TALDO1: variants seen among roughly 807,000 people sequenced by gnomAD.
TALDO1 encodes transaldolase 1.
Under a neutral mutation model 38.1 loss-of-function variants are expected in TALDO1, and 29 were observed. The observed-to-expected ratio is 0.76, with a 90% CI of 0.57 to 1.04. TALDO1 has a LOEUF of 1.04. Ranked by LOEUF, TALDO1 falls within the 50% of genes least tolerant of loss-of-function variation. TALDO1 has a pLI of 0.00. For missense variants in TALDO1, 499 were observed against 438.1 expected (o/e 1.14, Z -1.24); for synonymous variants, 207 against 176.8 (o/e 1.17, Z -1.36).
At chr11:749,911 G>GATGCACAGAAGTT (rs1862722892) in intron 1 of TALDO1, among the ~76,000 whole-genome samples, 1 of 152,170 alleles carries the variant, frequency 6.6e-6, no homozygotes, top group South Asian at 2.1e-4. Flanking sequence ...AATGGGTATA[G>GATGCACAGAAGTT]ATGCACAGAA....
chr11:764,483 G>A (rs145850735), intron 7 of TALDO1, 50 bp downstream of exon 7: 57 of 1,601,090 alleles, frequency 3.6e-5, no homozygotes, highest in East Asian at 3.2e-4. Context: ...ATGAGAGCCC[G>A]GGCCTGGGCG....
chr11:764,400 C>A lies in TALDO1; in HGVS notation c.948C>A (p.Ala316=). The change falls in exon 7 of 8, where the codon GCC becomes GCA. Residue 316 remains alanine, a synonymous_variant. Transcript: ENST00000319006. ...EKLSDGIRKF[A]ADAVKLERML... Reference sequence around the variant, plus strand: ...TCTCTGACGGGATCCGCAAGTTTGCCGCTGATGCAGTGAAGCTGGAGCGGA... The same window carrying A: ...TCTCTGACGGGATCCGCAAGTTTGCAGCTGATGCAGTGAAGCTGGAGCGGA... 2 of 1,612,162 alleles carry A rather than the reference C, an allele frequency of 1.2e-6. No individual in the cohort carries two copies. Among genetic ancestry groups the A allele is most frequent in the Non-Finnish European group, 1.7e-6 (2 of 1,178,696 alleles).
chr11:749,921 A>G (rs928996038), intron 1 of TALDO1, among the ~76,000 whole-genome samples: 1 of 152,194 alleles, frequency 6.6e-6, no homozygotes, highest in Non-Finnish European at 1.5e-5. Flanking sequence ...GATGCACAGA[A>G]GTTGCAAAAT....
intron 4 of TALDO1, among the ~76,000 whole-genome samples, chr11:761,742 G>C (rs1316594532): frequency 6.6e-6 from 1 of 152,038 alleles, no homozygotes; most frequent in Non-Finnish European, 1.5e-5. Flanking sequence ...GCAGTGGCAC[G>C]AACTTGGCTC....
intron 4 of TALDO1, among the ~76,000 whole-genome samples, chr11:761,335 CAAAAAAA>C (rs71022968): frequency 2.4e-5 from 2 of 82,076 alleles, no homozygotes; most frequent in Admixed American, 1.5e-4. Context: ...GACTCCATCT[CAAAAAAA>C]AAAAAAAAAA....
intron 4 of TALDO1, 88 bp downstream of exon 4, chr11:760,341 C>T: frequency 6.3e-7 from 1 of 1,586,440 alleles, no homozygotes; most frequent in Non-Finnish European, 8.6e-7. Context: ...GTTTGACTCT[C>T]TCAGCCCTGG....
chr11:753,594 C>A (rs565278331), intron 1 of TALDO1, among the ~76,000 whole-genome samples: 1 of 151,130 alleles, frequency 6.6e-6, no homozygotes, highest in Admixed American at 6.6e-5. Context: ...CGTGGTGGCT[C>A]GTGCCTGTAA....
At chr11:762,991 C>G (rs1036338652) in intron 4 of TALDO1, among the ~76,000 whole-genome samples, 2 of 152,190 alleles carry the variant, frequency 1.3e-5, no homozygotes, top group African/African-American at 4.8e-5. Context: ...CAGAGGGCCT[C>G]CCTTGCCTTT....
At chr11:749,699 A>G (rs927196508) in intron 1 of TALDO1, among the ~76,000 whole-genome samples, 9 of 152,104 alleles carry the variant, frequency 5.9e-5, no homozygotes, top group South Asian at 2.1e-4. Context: ...TTTTGCCCCA[A>G]TGGGCCTTGG....
intron 1 of TALDO1, among the ~76,000 whole-genome samples, chr11:755,120 G>A (rs2133572657): frequency 6.9e-6 from 1 of 145,286 alleles, no homozygotes; most frequent in South Asian, 2.2e-4. Context: ...TGTCCTGAGT[G>A]CTTTTCCCCT....
chr11:754,769 G>T (rs904190128), intron 1 of TALDO1, among the ~76,000 whole-genome samples: 1 of 151,992 alleles, frequency 6.6e-6, no homozygotes, highest in Admixed American at 6.6e-5. Flanking sequence ...ACTGCACCCG[G>T]CCTGAATTTA....
chr11:750,448 A>G (rs1006856361), intron 1 of TALDO1, among the ~76,000 whole-genome samples: 1 of 151,970 alleles, frequency 6.6e-6, no homozygotes, highest in Admixed American at 6.6e-5. Context: ...TGACTGCGCC[A>G]CTGCACTCCA....
chr11:755,398 C>T (rs1456446169), intron 1 of TALDO1, among the ~76,000 whole-genome samples: 2 of 152,164 alleles, frequency 1.3e-5, no homozygotes, highest in African/African-American at 4.8e-5. Context: ...CCCGCTTCAG[C>T]CTCCCAAAGT....
At chr11:763,630 C>T (rs898419513) in intron 5 of TALDO1, 111 bp downstream of exon 5, 40 of 1,567,878 alleles carry the variant, frequency 2.6e-5, no homozygotes, top group South Asian at 4.5e-5. Context: ...GTGCACAGGT[C>T]GGCGCGGGGC....
chr11:750,649 C>A (rs1490155268), intron 1 of TALDO1, among the ~76,000 whole-genome samples: 1 of 151,954 alleles, frequency 6.6e-6, no homozygotes, highest in African/African-American at 2.4e-5. Flanking sequence ...ACGGTGAAAC[C>A]CCATCTCTAC....
chr11:762,041 C>T (rs1399440617), intron 4 of TALDO1, among the ~76,000 whole-genome samples: 1 of 152,108 alleles, frequency 6.6e-6, no homozygotes, highest in African/African-American at 2.4e-5. Flanking sequence ...TCTCAGCTCA[C>T]TGCAACCTCC....
intron 1 of TALDO1, among the ~76,000 whole-genome samples, chr11:747,812 G>A (rs1180333501): frequency 6.6e-6 from 1 of 152,168 alleles, no homozygotes; most frequent in African/African-American, 2.4e-5. Context: ...TGAGGGGAAC[G>A]GGGCCCGGGT....
intron 2 of TALDO1, among the ~76,000 whole-genome samples, chr11:757,424 C>T (rs1378638441): frequency 9.9e-5 from 15 of 151,984 alleles, no homozygotes; most frequent in Admixed American, 9.8e-4. Context: ...TCCCAAGTAG[C>T]TGGGACTACA....
chr11:759,026 C>T lies in TALDO1; in HGVS notation c.298C>T (p.Pro100Ser). Residue 100 changes from proline to serine, a missense_variant, in exon 3 of 8, where the codon CCG becomes TCG. Physicochemically the swap from Pro to Ser is moderately conservative, Grantham distance 74 (BLOSUM62 -1). Transcript: ENST00000319006. ...TGGAGCAGAAATACTAAAGAAGATTCCGGGCCGAGTATCCACAGAAGTAGA... is the reference window on the plus strand; with the variant it reads ...TGGAGCAGAAATACTAAAGAAGATTTCGGGCCGAGTATCCACAGAAGTAGA... ...LFGAEILKKIPGRVSTEVDAR... is the reference protein window; with the variant it reads ...LFGAEILKKISGRVSTEVDAR... 1 of 1,612,990 alleles carries T rather than the reference C, an allele frequency of 6.2e-7. No individual in the cohort carries two copies. Among genetic ancestry groups the T allele is most frequent in the Non-Finnish European group, 8.5e-7 (1 of 1,179,280 alleles).
Sources: allele counts gnomAD v4.1 joint callset (sites outside exome capture counted in the v4.1 genomes callset), GRCh38; gene constraint gnomAD v4.1.1; transcripts MANE v1.5; gene names NCBI Gene and HGNC (gene_info 2026-07-23, HGNC 2026-07-21).